UBAP2L: variants seen among roughly 807,000 people sequenced by gnomAD.
UBAP2L encodes the protein ubiquitin-associated protein 2-like.
In UBAP2L, 12 loss-of-function variants were observed where a neutral mutation model predicts 130.6. The observed-to-expected ratio is 0.09, with a 90% CI of 0.06 to 0.15. The LOEUF (loss-of-function observed/expected upper bound fraction) is 0.15. Among genes scored for constraint, UBAP2L ranks in the 10% least tolerant of loss-of-function variants. The pLI, the probability that UBAP2L is intolerant of heterozygous loss-of-function variation, is 1.00. For missense variants in UBAP2L, 965 were observed against 1,332.5 expected (o/e 0.72, Z 4.29); for synonymous variants, 503 against 524.7 (o/e 0.96, Z 0.57).
At chr1:154,235,481 T>A (rs933573818) in intron 6 of UBAP2L, among the ~76,000 whole-genome samples, 190 bp downstream of exon 6, 10 of 152,128 alleles carry the variant, frequency 6.6e-5, no homozygotes, top group African/African-American at 2.4e-4. Context: ...GCCTCCCTAG[T>A]AGCTAAGACT....
intron 14 of UBAP2L, 112 bp downstream of exon 14, chr1:154,251,765 G>A: frequency 8.2e-7 from 1 of 1,217,606 alleles, no homozygotes; most frequent in Non-Finnish European, 1.1e-6. Context: ...TGGCTGAGGG[G>A]GAAAGTAGTC....
Position 154,243,261 on chromosome 1 carries a change from G to T in UBAP2L, c.801G>T (p.Val267=), listed in dbSNP as rs148258886. 2.7e-4 allele frequency: 438 copies of T among 1,611,886 alleles called. 2 individuals are homozygous for T. The Middle Eastern group carries it at 3.8e-3, about 14-fold the overall frequency. ...KIFTASNVSS[V]PLPAENVTIT... Reference sequence around the variant, plus strand: ...TCACTGCCTCTAATGTGTCTTCAGTGCCTCTGCCTGCGGAGAATGTGACAA... The same window carrying T: ...TCACTGCCTCTAATGTGTCTTCAGTTCCTCTGCCTGCGGAGAATGTGACAA... Residue 267 remains valine (V), a synonymous_variant, in exon 10 of 27, where the codon GTG becomes GTT. Coordinates refer to ENST00000428931, the MANE Select transcript of UBAP2L (RefSeq NM_014847.4).
rs1677500971 is a variant in UBAP2L at position 154,251,226 on chromosome 1, T to G, written c.1399T>G (p.Ser467Ala). 6.2e-7 allele frequency: 1 copy of G among 1,614,006 alleles called. No homozygotes were observed. Among genetic ancestry groups the G allele is most frequent in the African/African-American group, 1.3e-5 (1 of 74,912 alleles). Residue 467 changes from serine to alanine, a missense_variant, in exon 13 of 27, where the codon TCG becomes GCG. Physicochemically the swap from Ser to Ala is moderately conservative, Grantham distance 99. Around this residue, in one of 9 missense-constraint regions of UBAP2L, gnomAD observed 74 missense variants for 97.1 expected, o/e 0.76. Coordinates refer to ENST00000428931, the MANE Select transcript of UBAP2L (RefSeq NM_014847.4). Reference sequence around the variant, plus strand: ...CAAATCCACATCGGCTCCACAGATGTCGCCTGGATCTTCAGACAACCAGTC... The same window carrying G: ...CAAATCCACATCGGCTCCACAGATGGCGCCTGGATCTTCAGACAACCAGTC... The part of the protein sequence containing the change: ...PSKSTSAPQM[S>A]PGSSDNQSSS...
rs1488085 is a variant in UBAP2L at position 154,269,873 on chromosome 1, G to A, written c.3169-327G>A. On this transcript the variant is annotated intron_variant, in intron 26 of 26. Transcript: ENST00000428931. ...AATGGGGATCAATGGAAATGAAATT[G>A]CCTTGTGATCACCCATCTCCAAGAG... Among the ~76,000 whole-genome samples the A allele has an allele frequency of 8.3e-3, 1,266 of 152,228 alleles. 7 individuals are homozygous for A. The highest frequency in any genetic ancestry group is 0.013 in the Non-Finnish European group (909 of 68,012).
In UBAP2L at chr1:154,267,880, C is replaced by CTT. The variant is rs869153080; in HGVS notation, c.2971-852_2971-851dup. Among the ~76,000 whole-genome samples the CTT allele has an allele frequency of 1.3e-3, 69 of 52,080 alleles. 8 individuals carry two copies. Among genetic ancestry groups the CTT allele is most frequent in the South Asian group, 2.0e-3 (3 of 1,472 alleles). 34.2% of individuals were successfully genotyped at this position (52,080 alleles called of 152,430 possible). ...TCCACATTCCATCCTCTTATTTGGTCTTTTTTTTTTTTTTTTTTTTTTTTT... is the reference window on the plus strand; with the variant it reads ...TCCACATTCCATCCTCTTATTTGGTCTTTTTTTTTTTTTTTTTTTTTTTTTTT... On this transcript the variant is annotated intron_variant, in intron 25 of 26. Transcript: ENST00000428931.
intron 20 of UBAP2L, among the ~76,000 whole-genome samples, chr1:154,258,420 TTC>T (rs879839244): frequency 2.0e-5 from 3 of 152,230 alleles, no homozygotes; most frequent in Non-Finnish European, 4.4e-5. Flanking sequence ...CTAGTGTATC[TTC>T]TGTGACCTTC....
chr1:154,246,354 C>T lies in UBAP2L; in HGVS notation c.993C>T (p.Asn331=). 6.2e-7 allele frequency: 1 copy of T among 1,612,940 alleles called. No homozygotes were observed. The highest frequency in any genetic ancestry group is 8.5e-7 in the Non-Finnish European group (1 of 1,179,436). The part of the protein sequence containing the change: ...QTAISQPASG[N]TFSHHSMVSM... ...CCATATCACAGCCTGCTTCAGGGAACACATTTTCTCATCACAGTATGGTGA... is the reference window on the plus strand; with the variant it reads ...CCATATCACAGCCTGCTTCAGGGAATACATTTTCTCATCACAGTATGGTGA... Residue 331 remains asparagine, a synonymous_variant, in exon 11 of 27, where the codon AAC becomes AAT. Transcript: ENST00000428931.
chr1:154,263,560 G>A (rs1682295737), intron 24 of UBAP2L: 2 of 980,430 alleles, frequency 2.0e-6, no homozygotes, highest in East Asian at 1.1e-4. Context: ...ATGCTGTGCT[G>A]TGGATGAAGG....
intron 18 of UBAP2L, among the ~76,000 whole-genome samples, chr1:154,256,531 C>T (rs535405297): frequency 2.0e-5 from 3 of 152,138 alleles, no homozygotes; most frequent in South Asian, 2.1e-4. Context: ...CCTAGCTACT[C>T]GGGAGGCTGA....
At position 154,255,611 on chromosome 1, in the gene UBAP2L, T is replaced by C. The variant is rs1399602363; in HGVS notation, c.2085-72T>C. ...CATATTATGTCTTATTTCCTTGTTA[T>C]GTTCTTGACTGAAGCTCCAGGTCAC... is the stretch of plus-strand genomic sequence containing the variant. On this transcript the variant is annotated intron_variant, in intron 17 of 26. Transcript: ENST00000428931. The C allele has an allele frequency of 3.9e-6, 6 of 1,519,924 alleles. No homozygotes were observed. The East Asian group carries it at 6.8e-5, about 17-fold the overall frequency. 94.2% of individuals were successfully genotyped at this position (1,519,924 alleles called of 1,614,324 possible).
At chr1:154,249,192 C>G in intron 11 of UBAP2L, 47 bp from the exon 12 acceptor site, 10 of 1,595,848 alleles carry the variant, frequency 6.3e-6, no homozygotes, top group Non-Finnish European at 7.7e-6. Context: ...AGTAGCTGAA[C>G]AAGGTTACTG....
chr1:154,264,752 T>A (rs1351267922), intron 24 of UBAP2L, among the ~76,000 whole-genome samples: 2 of 152,036 alleles, frequency 1.3e-5, no homozygotes, highest in Non-Finnish European at 2.9e-5. Context: ...ATTTTTTATT[T>A]TTTTATTTTT....
At chr1:154,254,521 CA>C in intron 15 of UBAP2L, 1 of 479,074 alleles carries the variant, frequency 2.1e-6, no homozygotes, top group Non-Finnish European at 3.7e-6. Flanking sequence ...TACCCTTCCC[CA>C]AAAATCACTG....
At chr1:154,247,207 T>C (rs1219528823) in intron 11 of UBAP2L, among the ~76,000 whole-genome samples, 3 of 152,226 alleles carry the variant, frequency 2.0e-5, no homozygotes, top group Non-Finnish European at 4.4e-5. Flanking sequence ...TTAGTTTAAC[T>C]AGAAAACTGC....
At chr1:154,221,884 C>T (rs887615538) in intron 1 of UBAP2L, among the ~76,000 whole-genome samples, 1 of 152,216 alleles carries the variant, frequency 6.6e-6, no homozygotes, top group African/African-American at 2.4e-5. Context: ...AGGGACGTCA[C>T]TAGAGCACTG....
At chr1:154,269,387 G>C (rs759722762) in intron 26 of UBAP2L, 1 of 1,314,506 alleles carries the variant, frequency 7.6e-7, no homozygotes, top group Non-Finnish European at 1.0e-6. Flanking sequence ...ATGATTCTCT[G>C]TTGCCAGCGC....
At chr1:154,225,236 A>G (rs1422382221) in intron 2 of UBAP2L, 23 bp downstream of exon 2, 56 of 1,612,114 alleles carry the variant, frequency 3.5e-5, no homozygotes, top group Non-Finnish European at 4.7e-5. Flanking sequence ...AGGCATACGG[A>G]TTCATGGATA....
intron 22 of UBAP2L, 101 bp from the exon 23 acceptor site, chr1:154,260,791 C>T: frequency 2.5e-6 from 3 of 1,185,316 alleles, no homozygotes; most frequent in Non-Finnish European, 3.6e-6. Flanking sequence ...CTTTAATAGT[C>T]TTTGAACAGG....
chr1:154,261,001 A>T lies in UBAP2L; in HGVS notation c.2688A>T (p.Thr896=). The T allele has an allele frequency of 6.2e-7, 1 of 1,614,194 alleles. No individual in the cohort carries two copies. Among genetic ancestry groups the T allele is most frequent in the Non-Finnish European group, 8.5e-7 (1 of 1,180,040 alleles). Residue 896 remains threonine, a synonymous_variant, in exon 23 of 27, where the codon ACA becomes ACT. Coordinates refer to ENST00000428931, the MANE Select transcript of UBAP2L (RefSeq NM_014847.4). ...AGACTCACCATACCACGCAGCAGAC[A>T]TTCCTGAACCCGGCGCTGCCTCCTG... The part of the protein sequence containing the change: ...QTQTHHTTQQ[T]FLNPALPPGY...
Sources: gnomAD v4.1 joint callset for allele counts (sites outside exome capture counted in the v4.1 genomes callset) on GRCh38, gnomAD v4.1.1 for gene constraint, gnomAD v4.1.1 regional missense constraint, MANE v1.5 for transcripts, NCBI Gene and HGNC (gene_info 2026-07-23, HGNC 2026-07-21) for gene names.